The following SDCCAG8 variants were observed in gnomAD, a reference collection of about 807,000 sequenced individuals.
SDCCAG8 encodes the protein serologically defined colon cancer antigen 8.
SDCCAG8 carries 74 observed loss-of-function variants against 101.8 expected under a neutral mutation model. The ratio of observed to expected loss-of-function variants is 0.73; its 90% confidence interval spans 0.60 to 0.88. The LOEUF is 0.88. Ranked by LOEUF, SDCCAG8 falls within the 40% of genes least tolerant of loss-of-function variation. The pLI is 0.00. For missense variants in SDCCAG8, 787 were observed against 822.6 expected (o/e 0.96, Z 0.53); for synonymous variants, 281 against 292.9 (o/e 0.96, Z 0.41).
intron 1 of SDCCAG8, among the ~76,000 whole-genome samples, chr1:243,256,770 CAGAG>C (rs2066745625): frequency 6.6e-6 from 1 of 152,222 alleles, no homozygotes; most frequent in Non-Finnish European, 1.5e-5. Context: ...AAGCGAAGCT[CAGAG>C]AGGTTGAATT....
intron 9 of SDCCAG8, among the ~76,000 whole-genome samples, chr1:243,326,171 T>A (rs1184502217): frequency 6.6e-6 from 1 of 152,236 alleles, no homozygotes; most frequent in African/African-American, 2.4e-5. Context: ...ATTTCCAATT[T>A]GCTAAGACCT....
chr1:243,459,328 C>A (rs184501369), intron 16 of SDCCAG8, among the ~76,000 whole-genome samples: 6 of 152,260 alleles, frequency 3.9e-5, no homozygotes, highest in Admixed American at 3.3e-4. Context: ...AGCTTGTGCT[C>A]TCACTGAAAG....
Position 243,476,476 on chromosome 1 carries a change from T to C in SDCCAG8, c.1986-12538T>C, listed in dbSNP as rs189425236. On this transcript the variant is annotated intron_variant, in intron 16 of 17. Transcript: ENST00000366541. Reference sequence around the variant, plus strand: ...CAAGAATGGTCAAATATGAAGGAAATTGAGGAAGACCTCACCACAGTGTGG... The same window carrying C: ...CAAGAATGGTCAAATATGAAGGAAACTGAGGAAGACCTCACCACAGTGTGG... 6.8e-4 allele frequency: 387 copies of C among 572,250 alleles called. 1 individual carries two copies. The African/African-American group carries it at 7.4e-3, about 11-fold the overall frequency. The allele number at this position is 572,250 out of a possible 1,614,324, so 35.4% of individuals were successfully genotyped here.
intron 12 of SDCCAG8, among the ~76,000 whole-genome samples, chr1:243,377,830 C>CTTTTTTTTTTT (rs34783752): frequency 6.9e-6 from 1 of 144,960 alleles, no homozygotes. Flanking sequence ...TCTGCCCTTT[C>CTTTTTTTTTTT]TTTTTTTTTT....
rs1664003071 is a variant in SDCCAG8 at position 243,482,762 on chromosome 1, G to A, written c.1986-6252G>A. Among the ~76,000 whole-genome samples the A allele has an allele frequency of 1.3e-5, 2 of 152,218 alleles. 1 individual carries two copies. The highest frequency in any genetic ancestry group is 4.1e-4 in the South Asian group (2 of 4,832). ...ATGGGGCCTGGCCACAGCTCCCAGG[G>A]CTCCATGACAGCACAGTGAAGATAG... On this transcript the variant is annotated intron_variant, in intron 16 of 17. Transcript: ENST00000366541.
intron 5 of SDCCAG8, among the ~76,000 whole-genome samples, chr1:243,290,210 C>CCAAT (rs139125529): frequency 6.6e-6 from 1 of 150,704 alleles, no homozygotes; most frequent in Non-Finnish European, 1.5e-5. Context: ...CTCCCGCCCC[C>CCAAT]CGATCCCCTG....
chr1:243,275,871 T>G (rs997921115), intron 4 of SDCCAG8, among the ~76,000 whole-genome samples: 22 of 139,488 alleles, frequency 1.6e-4, no homozygotes, highest in African/African-American at 1.1e-4. Flanking sequence ...TTTTTTTTTT[T>G]TTTTTTTTTT....
intron 16 of SDCCAG8, among the ~76,000 whole-genome samples, chr1:243,451,675 A>T (rs1309184741): frequency 6.6e-6 from 1 of 152,196 alleles, no homozygotes; most frequent in African/African-American, 2.4e-5. Flanking sequence ...CTGTAATCCC[A>T]GCACTTTGGA....
chr1:243,371,140 A>G (rs181970897), intron 12 of SDCCAG8, among the ~76,000 whole-genome samples: 1 of 152,188 alleles, frequency 6.6e-6, no homozygotes, highest in Admixed American at 6.5e-5. Context: ...TACTTGACCC[A>G]TGTCATCTGG....
intron 12 of SDCCAG8, among the ~76,000 whole-genome samples, chr1:243,364,533 C>G (rs2076888703): frequency 6.6e-6 from 1 of 152,106 alleles, no homozygotes; most frequent in Non-Finnish European, 1.5e-5. Flanking sequence ...GAGAGGTGAC[C>G]TCAGCCAGAG....
intron 10 of SDCCAG8, among the ~76,000 whole-genome samples, chr1:243,331,510 TA>T (rs1373942668): frequency 1.3e-5 from 2 of 152,210 alleles, no homozygotes; most frequent in Non-Finnish European, 2.9e-5. Flanking sequence ...TAAAGATATG[TA>T]AAGAGAAAAA....
chr1:243,381,259 A>G (rs2077930984), intron 13 of SDCCAG8, among the ~76,000 whole-genome samples: 1 of 152,140 alleles, frequency 6.6e-6, no homozygotes, highest in Non-Finnish European at 1.5e-5. Flanking sequence ...AAAATAGCCT[A>G]CCACTTTTTT....
chr1:243,307,286 C>CCA, intron 7 of SDCCAG8: 1 of 447,358 alleles, frequency 2.2e-6, no homozygotes, highest in Non-Finnish European at 2.9e-6. Context: ...CCACCCCCAC[C>CCA]ATTCCCCAGC....
In SDCCAG8 at chr1:243,474,354, C is replaced by A. The variant is rs1399608084; in HGVS notation, c.1986-14660C>A. ...GAGGCCCTGCGAGCCCCCGTGGAGT[C>A]GCCTGAGCCAGATGCTCCGCACCCA... is the stretch of plus-strand genomic sequence containing the variant. On this transcript the variant is annotated intron_variant, in intron 16 of 17. Transcript: ENST00000366541. The surrounding 1 kb of genome is among the most constrained non-coding windows in gnomAD (Gnocchi z 4.7). Among the ~76,000 whole-genome samples, 1 of 152,184 alleles carries A rather than the reference C, an allele frequency of 6.6e-6. No individual in the cohort carries two copies. The highest frequency in any genetic ancestry group is 1.5e-5 in the Non-Finnish European group (1 of 68,026).
At chr1:243,310,636 C>A (rs1378761113) in intron 8 of SDCCAG8, among the ~76,000 whole-genome samples, 1 of 152,082 alleles carries the variant, frequency 6.6e-6, no homozygotes, top group African/African-American at 2.4e-5. Context: ...AAAAAAGATA[C>A]ATTTGTTTCT....
At chr1:243,319,689 A>G (rs2073583488) in intron 9 of SDCCAG8, among the ~76,000 whole-genome samples, 1 of 152,054 alleles carries the variant, frequency 6.6e-6, no homozygotes, top group Non-Finnish European at 1.5e-5. Flanking sequence ...TAAAAGTTTT[A>G]ACATCTGATC....
chr1:243,297,019 A>G (rs1440778385), intron 6 of SDCCAG8, among the ~76,000 whole-genome samples: 2 of 152,188 alleles, frequency 1.3e-5, no homozygotes, highest in African/African-American at 4.8e-5. Context: ...TCAAAGATTT[A>G]TCTGTAAATG....
chr1:243,497,169 A>C (rs980963870), intron 17 of SDCCAG8, among the ~76,000 whole-genome samples: 1 of 152,168 alleles, frequency 6.6e-6, no homozygotes, highest in East Asian at 1.9e-4. Flanking sequence ...ATGGCAGACA[A>C]GCCAGATGTG....
Position 243,418,077 on chromosome 1 carries a change from G to A in SDCCAG8, c.1853+1G>A, listed in dbSNP as rs1573930690. 1 of 1,593,156 alleles carries A rather than the reference G, an allele frequency of 6.3e-7. No individual in the cohort carries two copies. Among genetic ancestry groups the A allele is most frequent in the Middle Eastern group, 1.7e-4 (1 of 5,996 alleles). ...TGGAACAAATCTCTCAAAAAACCAG[G>A]TAGGTGATGTTATAGAATACTTTCA... On this transcript the variant is annotated splice_donor_variant, in intron 15 of 17. Coordinates refer to ENST00000366541, the MANE Select transcript of SDCCAG8 (RefSeq NM_006642.5). LOFTEE classifies it high-confidence loss of function.
Sources: gnomAD v4.1 joint callset for allele counts (sites outside exome capture counted in the v4.1 genomes callset) on GRCh38, gnomAD v4.1.1 for gene constraint, Gnocchi (gnomAD v3.1) non-coding constraint, MANE v1.5 for transcripts, NCBI Gene and HGNC (gene_info 2026-07-23, HGNC 2026-07-21) for gene names.